The following NIBAN2 variants were observed in gnomAD, a reference collection of about 807,000 sequenced individuals.
The protein encoded by NIBAN2 is protein Niban 2.
Under a neutral mutation model 81.8 loss-of-function variants are expected in NIBAN2, and 36 were observed. The observed-to-expected ratio is 0.44, with a 90% CI of 0.34 to 0.58. NIBAN2 has a LOEUF of 0.58. Ranked by LOEUF, NIBAN2 falls within the 20% of genes least tolerant of loss-of-function variation. The pLI is 0.02. For missense variants in NIBAN2, 897 were observed against 1,014.1 expected (o/e 0.88, Z 1.57); for synonymous variants, 445 against 441.6 (o/e 1.01, Z -0.10).
intron 9 of NIBAN2, 34 bp from the exon 10 acceptor site, chr9:127,509,165 G>T (rs771590470): frequency 6.3e-6 from 10 of 1,577,230 alleles, no homozygotes; most frequent in Admixed American, 5.3e-5. Context: ...GCTGAGCAGG[G>T]CCGCCCTGTG....
At chr9:127,509,190 C>G in intron 9 of NIBAN2, 59 bp from the exon 10 acceptor site, 1 of 1,507,854 alleles carries the variant, frequency 6.6e-7, no homozygotes, top group South Asian at 1.2e-5. Context: ...GGCAGCACCC[C>G]CCACACACTT....
intron 1 of NIBAN2, chr9:127,578,851 C>A (rs1238719288): frequency 6.8e-7 from 1 of 1,471,088 alleles, no homozygotes. Flanking sequence ...AGCAAAACCT[C>A]CTCTCTAAAC....
Position 127,508,614 on chromosome 9 carries a change from C to A in NIBAN2, c.1318-76G>T. ...TTCCTGGGTGCCGCTGAGGGGTCCT[C>A]ATCCTCAACCAGCCCCCCACCCCGA... On this transcript the variant is annotated intron_variant, in intron 10 of 13. Transcript: ENST00000373312. This position sits in a 1 kb window ranked among gnomAD's most constrained non-coding sequence, Gnocchi z 6.4. The A allele has an allele frequency of 1.6e-6, 2 of 1,212,692 alleles. No individual in the cohort carries two copies. The highest frequency in any genetic ancestry group is 1.2e-5 in the South Asian group (1 of 82,774). The allele number at this position is 1,212,692 out of a possible 1,614,324, so 75.1% of individuals were successfully genotyped here. A position where few individuals can be genotyped will look rare whatever the true frequency, so the allele number is the denominator to read the frequency against.
Position 127,517,055 on chromosome 9 carries a change from A to C in NIBAN2, c.811-36T>G. 1 of 1,610,330 alleles carries C rather than the reference A, an allele frequency of 6.2e-7. No individual in the cohort carries two copies. The highest frequency in any genetic ancestry group is 8.5e-7 in the Non-Finnish European group (1 of 1,177,606). ...AGCAGCTGAATTGGCACCAGGGCTGAGGGCACCGCACCAGCTGCAGGTCCC... is the reference window on the plus strand; with the variant it reads ...AGCAGCTGAATTGGCACCAGGGCTGCGGGCACCGCACCAGCTGCAGGTCCC... On this transcript the variant is annotated intron_variant, in intron 7 of 13. Coordinates refer to ENST00000373312, the MANE Select transcript of NIBAN2 (RefSeq NM_022833.4). This position sits in a 1 kb window ranked among gnomAD's most constrained non-coding sequence, Gnocchi z 4.0.
intron 1 of NIBAN2, among the ~76,000 whole-genome samples, chr9:127,532,350 CT>C (rs984277209): frequency 1.3e-5 from 2 of 152,206 alleles, no homozygotes; most frequent in Admixed American, 6.5e-5. Context: ...GCTCCCAGAA[CT>C]TTTCAAGGCC....
intron 1 of NIBAN2, among the ~76,000 whole-genome samples, chr9:127,552,414 A>T (rs1837592614): frequency 1.3e-5 from 2 of 152,010 alleles, no homozygotes; most frequent in East Asian, 2.0e-4. Flanking sequence ...CTCTACGAAA[A>T]TTTTTTTAAA....
At chr9:127,565,254 G>T (rs898255159) in intron 1 of NIBAN2, among the ~76,000 whole-genome samples, 1 of 151,954 alleles carries the variant, frequency 6.6e-6, no homozygotes, top group African/African-American at 2.4e-5. Context: ...GAGCCACCAC[G>T]CCTGGCCTGT....
intron 1 of NIBAN2, among the ~76,000 whole-genome samples, chr9:127,543,152 G>A (rs566828573): frequency 1.2e-4 from 18 of 152,340 alleles, no homozygotes; most frequent in Middle Eastern, 3.4e-3. Context: ...CTTCCAGTGC[G>A]AGATCATTCT....
intron 1 of NIBAN2, among the ~76,000 whole-genome samples, chr9:127,577,384 A>G (rs1838022841): frequency 6.6e-6 from 1 of 151,746 alleles, no homozygotes; most frequent in Admixed American, 6.6e-5. Context: ...GCAATACCCC[A>G]CGCTTCCCAC....
chr9:127,529,780 G>C (rs1837144667), intron 2 of NIBAN2, among the ~76,000 whole-genome samples: 1 of 151,958 alleles, frequency 6.6e-6, no homozygotes, highest in African/African-American at 2.4e-5. Context: ...ATCACCACTG[G>C]TGATTAATAT....
intron 1 of NIBAN2, among the ~76,000 whole-genome samples, chr9:127,542,662 C>T (rs753670186): frequency 4.6e-5 from 7 of 152,238 alleles, no homozygotes; most frequent in African/African-American, 1.4e-4. Context: ...CATTTCCCCC[C>T]CTGCTGGCCT....
At chr9:127,523,935 T>C in intron 4 of NIBAN2, 89 bp from the exon 5 acceptor site, 1 of 1,443,484 alleles carries the variant, frequency 6.9e-7, no homozygotes, top group Non-Finnish European at 9.6e-7. Context: ...GCATCAGCTC[T>C]GAGGTCAGGC....
At chr9:127,526,871 G>C (rs1837076152) in intron 3 of NIBAN2, among the ~76,000 whole-genome samples, 1 of 152,186 alleles carries the variant, frequency 6.6e-6, no homozygotes. Context: ...TGAGGAAGGA[G>C]GTGGCAGGAG....
intron 1 of NIBAN2, among the ~76,000 whole-genome samples, chr9:127,568,221 G>A (rs1837891585): frequency 6.6e-6 from 1 of 152,170 alleles, no homozygotes; most frequent in South Asian, 2.1e-4. Flanking sequence ...GCTGCTAGCA[G>A]GGGCAGCCTG....
At chr9:127,540,950 T>C (rs561025005) in intron 1 of NIBAN2, among the ~76,000 whole-genome samples, 77 of 152,254 alleles carry the variant, frequency 5.1e-4, no homozygotes, top group Middle Eastern at 3.4e-3. Context: ...CAGCACCCTG[T>C]AGGGTGGGGC....
At chr9:127,538,306 G>C (rs1473391756) in intron 1 of NIBAN2, among the ~76,000 whole-genome samples, 3 of 152,150 alleles carry the variant, frequency 2.0e-5, no homozygotes, top group Non-Finnish European at 4.4e-5. Context: ...GTTTGCCAGG[G>C]ATAGGTGCCT....
intron 1 of NIBAN2, among the ~76,000 whole-genome samples, chr9:127,555,903 T>A (rs7019652): frequency 6.6e-6 from 1 of 152,098 alleles, no homozygotes; most frequent in African/African-American, 2.4e-5. Context: ...TGAGCTTGAC[T>A]GGGCTGTTTC....
At chr9:127,562,174 T>G (rs1837785718) in intron 1 of NIBAN2, among the ~76,000 whole-genome samples, 1 of 152,094 alleles carries the variant, frequency 6.6e-6, no homozygotes, top group South Asian at 2.1e-4. Flanking sequence ...AGCTGCTCTA[T>G]TCCCACTCGG....
At chr9:127,537,705 T>C (rs1210507308) in intron 1 of NIBAN2, among the ~76,000 whole-genome samples, 2 of 152,208 alleles carry the variant, frequency 1.3e-5, no homozygotes, top group Admixed American at 6.5e-5. Flanking sequence ...GCCCACCTGT[T>C]CTTTGCCCCA....
Sources: allele counts gnomAD v4.1 joint callset (sites outside exome capture counted in the v4.1 genomes callset), GRCh38; gene constraint gnomAD v4.1.1; non-coding constraint Gnocchi (gnomAD v3.1); transcripts MANE v1.5; gene names NCBI Gene and HGNC (gene_info 2026-07-23, HGNC 2026-07-21).